MCTP1: variants seen among roughly 807,000 people sequenced by gnomAD.
MCTP1 encodes the protein multiple C2 and transmembrane domain containing 1.
In MCTP1, 69 loss-of-function variants were observed where a neutral mutation model predicts 120.6. That is an observed-to-expected ratio of 0.57 (90% CI 0.47 to 0.70). The LOEUF (loss-of-function observed/expected upper bound fraction) is 0.70. MCTP1 is among the 30% of genes least tolerant of loss of function. MCTP1 has a pLI of 0.00. For missense variants in MCTP1, 1,203 were observed against 1,248.8 expected (o/e 0.96, Z 0.55); for synonymous variants, 529 against 493.1 (o/e 1.07, Z -0.96).
intron 2 of MCTP1, among the ~76,000 whole-genome samples, chr5:94,983,310 T>C (rs1032759726): frequency 6.6e-6 from 1 of 152,184 alleles, no homozygotes; most frequent in African/African-American, 2.4e-5. Context: ...TATTAAATGG[T>C]TGTTGTTTTA....
intron 19 of MCTP1, among the ~76,000 whole-genome samples, chr5:94,764,554 T>C (rs1363275033): frequency 6.6e-6 from 1 of 151,778 alleles, no homozygotes; most frequent in Non-Finnish European, 1.5e-5. Context: ...TCCACACAAA[T>C]AGAAACCAAG....
intron 5 of MCTP1, among the ~76,000 whole-genome samples, chr5:94,937,074 T>G (rs1284498385): frequency 6.6e-6 from 1 of 152,118 alleles, no homozygotes; most frequent in African/African-American, 2.4e-5. Context: ...AGCCAGAGGC[T>G]GGCTCTGAAC....
Position 94,894,823 on chromosome 5 carries a change from G to T in MCTP1, c.1665C>A (p.Asp555Glu). ...TCTGTTCCCTACTGAGGGCTGACAG[G>T]TCGACCTGGCACCTAGAGACAAATG... is the stretch of plus-strand genomic sequence containing the variant. ...RDDFIGRCQV[D>E]LSALSREQTH... The change falls in exon 11 of 23, where the codon GAC becomes GAA. Residue 555 changes from aspartate (D) to glutamate (E), a missense_variant. By Grantham distance (45) the Asp-to-Glu change is conservative. Around this residue, in one of 2 missense-constraint regions of MCTP1, gnomAD observed 740 missense variants for 871.1 expected, o/e 0.85. Coordinates refer to ENST00000515393, the MANE Select transcript of MCTP1 (RefSeq NM_024717.7). 1 of 1,580,442 alleles carries T rather than the reference G, an allele frequency of 6.3e-7. No individual in the cohort carries two copies.
intron 17 of MCTP1, among the ~76,000 whole-genome samples, chr5:94,812,333 A>C (rs1202326130): frequency 6.6e-6 from 1 of 152,060 alleles, no homozygotes; most frequent in Admixed American, 6.6e-5. Flanking sequence ...AAGGTTTCAG[A>C]TCTCTCTGAA....
At chr5:95,278,789 CCCG>C (rs1760068917) in intron 1 of MCTP1, among the ~76,000 whole-genome samples, 1 of 151,768 alleles carries the variant, frequency 6.6e-6, no homozygotes, top group Non-Finnish European at 1.5e-5. Flanking sequence ...ATGGAGACAC[CCCG>C]TCTCTACTAA....
chr5:95,117,468 C>A (rs537372878), intron 1 of MCTP1, among the ~76,000 whole-genome samples: 2 of 150,294 alleles, frequency 1.3e-5, no homozygotes, highest in Admixed American at 6.6e-5. Context: ...CAATGAGATA[C>A]CATTTCATGC....
rs371117009 is a variant in MCTP1, at chr5:94,893,394, A to G, written c.1839+1255T>C. 1.4e-4 allele frequency among the ~76,000 whole-genome samples: 22 copies of G among 152,316 alleles called. No homozygotes were observed. The South Asian group carries it at 4.6e-3, about 32-fold the overall frequency. On this transcript the variant is annotated intron_variant, in intron 11 of 22. Transcript: ENST00000515393. ...CTCACTTCTGGTAACAGAAGAATAT[A>G]TTTTGGTGGATACCACAGTGTAAAA...
At chr5:95,213,162 A>G in intron 1 of MCTP1, among the ~76,000 whole-genome samples, 1 of 152,212 alleles carries the variant, frequency 6.6e-6, no homozygotes, top group South Asian at 2.1e-4. Flanking sequence ...CAACTTCAGC[A>G]AAGTCTCAGG....
At chr5:95,060,700 G>A (rs573799463) in intron 1 of MCTP1, among the ~76,000 whole-genome samples, 24 of 152,172 alleles carry the variant, frequency 1.6e-4, no homozygotes, top group Non-Finnish European at 3.1e-4. Flanking sequence ...GGCCGGGCAC[G>A]GTGGCTCACG....
At chr5:95,261,741 T>G (rs1758488375) in intron 1 of MCTP1, among the ~76,000 whole-genome samples, 1 of 152,248 alleles carries the variant, frequency 6.6e-6, no homozygotes, top group Non-Finnish European at 1.5e-5. Flanking sequence ...ATGATGTCAA[T>G]CAGACGGAGT....
At chr5:94,870,749 C>G (rs1250789291) in intron 15 of MCTP1, 123 bp downstream of exon 15, 1 of 772,872 alleles carries the variant, frequency 1.3e-6, no homozygotes, top group Non-Finnish European at 2.2e-6. Context: ...GAAGCGTATT[C>G]TCCAGGACAC....
chr5:94,854,444 A>G (rs1404057654), intron 17 of MCTP1, among the ~76,000 whole-genome samples: 1 of 151,864 alleles, frequency 6.6e-6, no homozygotes, highest in Non-Finnish European at 1.5e-5. Flanking sequence ...AAGACCTATT[A>G]CAACCAAGTT....
rs1833986748 is a variant in MCTP1, at chr5:95,002,840, CAT to C, written c.838+14525_838+14526del. On this transcript the variant is annotated intron_variant, in intron 2 of 22. Transcript: ENST00000515393. The stretch of plus-strand genomic sequence containing the variant: ...ATGATTATATTTTGAAATGTGAGGA[CAT>C]GAGATTTGGGAGGGACCAAGGGTGG... 2.0e-5 allele frequency among the ~76,000 whole-genome samples: 3 copies of C among 152,214 alleles called. 1 individual carries two copies. In the South Asian group the frequency reaches 6.2e-4, roughly 32 times the overall value.
At position 95,067,015 on chromosome 5, in the gene MCTP1, C is replaced by G. The variant is rs188581625; in HGVS notation, c.721-49531G>C. Among the ~76,000 whole-genome samples the G allele has an allele frequency of 5.7e-4, 87 of 152,122 alleles. 2 individuals carry two copies. The highest frequency in any genetic ancestry group is 1.9e-3 in the African/African-American group (78 of 41,492). ...TTAGGGGTAATTCTCTCTCACTGAC[C>G]ATTCACCTCTTGCTGTGCTGCCCCG... is the stretch of plus-strand genomic sequence containing the variant. On this transcript the variant is annotated intron_variant, in intron 1 of 22. Transcript: ENST00000515393.
At chr5:94,770,965 A>G (rs1270955490) in intron 19 of MCTP1, among the ~76,000 whole-genome samples, 2 of 152,296 alleles carry the variant, frequency 1.3e-5, no homozygotes, top group African/African-American at 2.4e-5. Flanking sequence ...ACTTATTGAC[A>G]TGAAACTGAA....
intron 1 of MCTP1, among the ~76,000 whole-genome samples, chr5:95,051,922 C>A (rs1344025019): frequency 3.3e-5 from 5 of 152,012 alleles, no homozygotes; most frequent in African/African-American, 9.7e-5. Context: ...GGAAAAACTA[C>A]CCATCCAGTA....
chr5:95,134,550 C>A (rs1298229571), intron 1 of MCTP1, among the ~76,000 whole-genome samples: 1 of 152,174 alleles, frequency 6.6e-6, no homozygotes, highest in Non-Finnish European at 1.5e-5. Flanking sequence ...GGCAGGATGG[C>A]CTAGGAAGGC....
chr5:95,211,354 C>G (rs1330098643), intron 1 of MCTP1, among the ~76,000 whole-genome samples: 1 of 152,172 alleles, frequency 6.6e-6, no homozygotes, highest in African/African-American at 2.4e-5. Context: ...TCCCATAATT[C>G]TTGGAGGCTT....
intron 1 of MCTP1, among the ~76,000 whole-genome samples, chr5:95,212,846 T>A (rs1368125267): frequency 6.6e-6 from 1 of 152,158 alleles, no homozygotes; most frequent in Non-Finnish European, 1.5e-5. Flanking sequence ...ATAAATTAGG[T>A]ATTCACGGGA....
Sources: gnomAD v4.1 joint callset for allele counts (sites outside exome capture counted in the v4.1 genomes callset) on GRCh38, gnomAD v4.1.1 for gene constraint, gnomAD v4.1.1 regional missense constraint, MANE v1.5 for transcripts, NCBI Gene and HGNC (gene_info 2026-07-23, HGNC 2026-07-21) for gene names.